Variants in PLCB1 observed in about 807,000 individuals in gnomAD.
The protein encoded by PLCB1 is 1-phosphatidylinositol 4,5-bisphosphate phosphodiesterase beta-1.
PLCB1 carries 46 observed loss-of-function variants against 161.8 expected under a neutral mutation model. The ratio of observed to expected loss-of-function variants is 0.28; its 90% CI spans 0.22 to 0.36. PLCB1 has a LOEUF of 0.36. Among genes scored for constraint, PLCB1 ranks in the 10% least tolerant of loss-of-function variants. The pLI, the probability that PLCB1 is intolerant of heterozygous loss-of-function variation, is 1.00. For missense variants in PLCB1, 1,016 were observed against 1,472.5 expected (o/e 0.69, Z 5.07); for synonymous variants, 517 against 503.7 (o/e 1.03, Z -0.35).
intron 2 of PLCB1, among the ~76,000 whole-genome samples, chr20:8,289,732 A>T (rs561403183): frequency 8.1e-4 from 124 of 152,290 alleles, no homozygotes; most frequent in African/African-American, 2.8e-3. Context: ...AATAAAGTCT[A>T]TACACTGCCC....
chr20:8,534,710 A>T (rs1025352252), intron 3 of PLCB1, among the ~76,000 whole-genome samples: 5 of 152,194 alleles, frequency 3.3e-5, no homozygotes, highest in Admixed American at 1.3e-4. Context: ...TATTCCTGAT[A>T]CAAAGCAACT....
At chr20:8,738,900 G>A (rs1028487780) in intron 20 of PLCB1, among the ~76,000 whole-genome samples, 5 of 152,100 alleles carry the variant, frequency 3.3e-5, no homozygotes, top group Non-Finnish European at 4.4e-5. Context: ...CCTCTAATCC[G>A]AGCACTTTGG....
intron 3 of PLCB1, among the ~76,000 whole-genome samples, chr20:8,543,586 A>G (rs1985418541): frequency 6.9e-6 from 1 of 144,510 alleles, no homozygotes; most frequent in South Asian, 2.1e-4. Context: ...GAATGAATGC[A>G]TTTCGTTATT....
intron 26 of PLCB1, among the ~76,000 whole-genome samples, chr20:8,769,746 A>G (rs996052699): frequency 6.6e-6 from 1 of 152,228 alleles, no homozygotes; most frequent in African/African-American, 2.4e-5. Flanking sequence ...AAACTATGTA[A>G]GTATGTAAGT....
intron 3 of PLCB1, among the ~76,000 whole-genome samples, chr20:8,379,386 A>T (rs1054422505): frequency 7.9e-5 from 12 of 152,088 alleles, no homozygotes; most frequent in Non-Finnish European, 1.8e-4. Flanking sequence ...TAACTTTGCT[A>T]TTGTAAGTAG....
At chr20:8,600,184 T>G (rs1331979948) in intron 3 of PLCB1, among the ~76,000 whole-genome samples, 1 of 137,770 alleles carries the variant, frequency 7.3e-6, no homozygotes, top group African/African-American at 2.8e-5. Context: ...CTCTGCGTTT[T>G]AGAGTTTCCC....
intron 2 of PLCB1, among the ~76,000 whole-genome samples, chr20:8,313,154 G>T (rs1984485327): frequency 6.6e-6 from 1 of 152,104 alleles, no homozygotes; most frequent in Non-Finnish European, 1.5e-5. Context: ...TGCAATAGAA[G>T]ATAACTATAT....
chr20:8,796,260 T>C (rs931696765), intron 31 of PLCB1, among the ~76,000 whole-genome samples: 1 of 152,154 alleles, frequency 6.6e-6, no homozygotes, highest in African/African-American at 2.4e-5. Context: ...ATTTTCCTTA[T>C]TTCCCCTCTG....
At chr20:8,186,036 T>C (rs1459937273) in intron 2 of PLCB1, among the ~76,000 whole-genome samples, 1 of 152,192 alleles carries the variant, frequency 6.6e-6, no homozygotes, top group Non-Finnish European at 1.5e-5. Flanking sequence ...GGAATGAGAT[T>C]GTGGCACTTT....
At chr20:8,460,066 C>T (rs1010501590) in intron 3 of PLCB1, among the ~76,000 whole-genome samples, 6 of 152,164 alleles carry the variant, frequency 3.9e-5, no homozygotes, top group Non-Finnish European at 8.8e-5. Flanking sequence ...GATTTCAGAA[C>T]TTGTTTTTCT....
intron 11 of PLCB1, among the ~76,000 whole-genome samples, chr20:8,706,078 G>T (rs1056033674): frequency 2.0e-5 from 3 of 152,212 alleles, no homozygotes; most frequent in Admixed American, 6.5e-5. Context: ...AACCACAACG[G>T]TTTACTTCTC....
chr20:8,645,008 G>A (rs1239592536), intron 4 of PLCB1, among the ~76,000 whole-genome samples: 4 of 152,186 alleles, frequency 2.6e-5, no homozygotes, highest in Non-Finnish European at 5.9e-5. Context: ...CTGTTGATCT[G>A]TAACCTTACC....
intron 2 of PLCB1, among the ~76,000 whole-genome samples, chr20:8,300,915 C>A (rs1983881041): frequency 6.6e-6 from 1 of 152,164 alleles, no homozygotes; most frequent in South Asian, 2.1e-4. Context: ...ATAAGGACTT[C>A]AGCTAATAAA....
intron 3 of PLCB1, among the ~76,000 whole-genome samples, chr20:8,456,733 G>A (rs1981333935): frequency 6.6e-6 from 1 of 152,204 alleles, no homozygotes; most frequent in Non-Finnish European, 1.5e-5. Context: ...TAGAGGCTGA[G>A]AAGTCCAAGA....
At chr20:8,463,078 T>C (rs1981652307) in intron 3 of PLCB1, among the ~76,000 whole-genome samples, 1 of 152,050 alleles carries the variant, frequency 6.6e-6, no homozygotes, top group African/African-American at 2.4e-5. Context: ...TTCAGATTCA[T>C]GCCCATTCAT....
chr20:8,426,356 CTG>C (rs1172365364), intron 3 of PLCB1, among the ~76,000 whole-genome samples: 2 of 152,330 alleles, frequency 1.3e-5, no homozygotes, highest in African/African-American at 4.8e-5. Flanking sequence ...GATTTGCACT[CTG>C]TTCGCAGAAA....
rs150693921 is a variant in PLCB1 at position 8,736,747 on chromosome 20, G to A, written c.2044-281G>A. Among the ~76,000 whole-genome samples, 1,665 of 152,230 alleles carry A rather than the reference G, an allele frequency of 0.011. 29 individuals are homozygous for A. The highest frequency in any genetic ancestry group is 0.035 in the African/African-American group (1,471 of 41,534). On this transcript the variant is annotated intron_variant, in intron 19 of 31. Coordinates refer to ENST00000338037, the MANE Select transcript of PLCB1 (RefSeq NM_015192.4). ...AGATCTTGTGAGAACTCACTATCAT[G>A]AGAACAGCATGAGAGAAACCACTCC... is the stretch of plus-strand genomic sequence containing the variant.
At chr20:8,240,711 A>C (rs1980565273) in intron 2 of PLCB1, among the ~76,000 whole-genome samples, 1 of 152,060 alleles carries the variant, frequency 6.6e-6, no homozygotes, top group African/African-American at 2.4e-5. Flanking sequence ...AAGGTTAAGA[A>C]GGTAAGGCAC....
chr20:8,581,510 G>T (rs1236275916), intron 3 of PLCB1, among the ~76,000 whole-genome samples: 2 of 152,190 alleles, frequency 1.3e-5, no homozygotes, highest in African/African-American at 4.8e-5. Flanking sequence ...ACTGTGAGAT[G>T]AAGTTTTTAA....
Sources: gnomAD v4.1 joint callset for allele counts (sites outside exome capture counted in the v4.1 genomes callset) on GRCh38, gnomAD v4.1.1 for gene constraint, MANE v1.5 for transcripts, NCBI Gene and HGNC (gene_info 2026-07-23, HGNC 2026-07-21) for gene names.